The following ADGRA2 variants were observed in gnomAD, a reference collection of about 807,000 sequenced individuals.
ADGRA2 encodes the protein G-protein coupled receptor 124.
In ADGRA2, 61 loss-of-function variants were observed where a neutral mutation model predicts 98.7. The ratio of observed to expected loss-of-function variants is 0.62; its 90% CI spans 0.50 to 0.76. The LOEUF is 0.76. Among genes scored for constraint, ADGRA2 ranks in the 30% least tolerant of loss-of-function variants. The pLI, the probability that ADGRA2 is intolerant of heterozygous loss-of-function variation, is 0.00. For synonymous variants in ADGRA2, 858 were observed against 831.5 expected (o/e 1.03, Z -0.55); for missense variants, 1,712 against 1,860.0 (o/e 0.92, Z 1.46).
chr8:37,801,968 A>C (rs1237553187), intron 1 of ADGRA2, among the ~76,000 whole-genome samples: 1 of 152,172 alleles, frequency 6.6e-6, no homozygotes, highest in African/African-American at 2.4e-5. Flanking sequence ...AGAACAGGCA[A>C]ACCCTCAACC....
In ADGRA2 at chr8:37,827,860, G is replaced by A. The variant is rs1239430857; in HGVS notation, c.339-1028G>A. On this transcript the variant is annotated intron_variant, in intron 2 of 18. Coordinates refer to ENST00000412232, the MANE Select transcript of ADGRA2 (RefSeq NM_032777.10). Reference sequence around the variant, plus strand: ...ATAAAAATACCCTCCTTGGCCAAGCGCGGTGGCTCACACCTGTAACCCCAG... The same window carrying A: ...ATAAAAATACCCTCCTTGGCCAAGCACGGTGGCTCACACCTGTAACCCCAG... Among the ~76,000 whole-genome samples, 8 of 152,346 alleles carry A rather than the reference G, an allele frequency of 5.3e-5. No individual in the cohort carries two copies. In the East Asian group the frequency reaches 5.8e-4, roughly 11 times the overall value.
At chr8:37,835,424 G>A in intron 12 of ADGRA2, 26 bp downstream of exon 12, 1 of 1,587,988 alleles carries the variant, frequency 6.3e-7, no homozygotes, top group Non-Finnish European at 8.6e-7. Flanking sequence ...GGGAGAGGGG[G>A]TGGGAGAAGG....
intron 2 of ADGRA2, among the ~76,000 whole-genome samples, chr8:37,816,778 T>C (rs1165599313): frequency 6.6e-6 from 1 of 152,060 alleles, no homozygotes; most frequent in Non-Finnish European, 1.5e-5. Flanking sequence ...TAGCTGGGCA[T>C]GGTGGCATGC....
At position 37,802,642 on chromosome 8, in the gene ADGRA2, T is replaced by C. The variant is rs545999990; in HGVS notation, c.266+5108T>C. Among the ~76,000 whole-genome samples, 2 of 152,286 alleles carry C rather than the reference T, an allele frequency of 1.3e-5. No individual in the cohort carries two copies. The highest frequency in any genetic ancestry group is 2.4e-5 in the African/African-American group (1 of 41,560). Reference sequence around the variant, plus strand: ...GCCCAGCAGAAACCTCAGTCTCTCCTGGACTCTTCCCCACCACCCACTGGA... The same window carrying C: ...GCCCAGCAGAAACCTCAGTCTCTCCCGGACTCTTCCCCACCACCCACTGGA... On this transcript the variant is annotated intron_variant, in intron 1 of 18. Coordinates refer to ENST00000412232, the MANE Select transcript of ADGRA2 (RefSeq NM_032777.10). The surrounding 1 kb of genome is among the most constrained non-coding windows in gnomAD (Gnocchi z 4.7).
At chr8:37,837,669 G>A (rs1044228818) in intron 13 of ADGRA2, 62 bp from the exon 14 acceptor site, 20 of 1,399,096 alleles carry the variant, frequency 1.4e-5, no homozygotes, top group Admixed American at 2.0e-5. Flanking sequence ...GCTGAGTCCC[G>A]GCTGAGCCCA....
Position 37,833,825 on chromosome 8 carries a change from C to G in ADGRA2, c.1434C>G (p.Asp478Glu). 1 of 1,614,168 alleles carries G rather than the reference C, an allele frequency of 6.2e-7. No homozygotes were observed. Among genetic ancestry groups the G allele is most frequent in the Non-Finnish European group, 8.5e-7 (1 of 1,180,006 alleles). ...TCCAGAAATTTTTGGGTTATGTCGA[C>G]CAGATCAAAGAGGTGAGACTCAGCT... ...QMIQKFLGYV[D>E]QIKELVEVMV... The change falls in exon 10 of 19, where the codon GAC (aspartate) becomes GAG (glutamate). Residue 478 changes from aspartate (D) to glutamate (E), a missense_variant. Physicochemically the swap from Asp to Glu is conservative, Grantham distance 45 (BLOSUM62 2). Coordinates refer to ENST00000412232, the MANE Select transcript of ADGRA2 (RefSeq NM_032777.10).
At position 37,831,607 on chromosome 8, in the gene ADGRA2, G is replaced by C. The variant is rs775553722; in HGVS notation, c.1097+20G>C. The C allele has an allele frequency of 8.1e-5, 130 of 1,610,670 alleles. No homozygotes were observed. Among genetic ancestry groups the C allele is most frequent in the Non-Finnish European group, 1.1e-4 (125 of 1,177,964 alleles). On this transcript the variant is annotated intron_variant, in intron 8 of 18. Coordinates refer to ENST00000412232, the MANE Select transcript of ADGRA2 (RefSeq NM_032777.10). ...CTTCAGGTTTGGCCCACTCCACCCT[G>C]TAGAGGGCTGCCCAGCCCCCAACCC... is the stretch of plus-strand genomic sequence containing the variant.
Position 37,797,661 on chromosome 8 carries a change from G to C in ADGRA2, c.266+127G>C. The C allele has an allele frequency of 1.1e-6, 1 of 943,974 alleles. No homozygotes were observed. The highest frequency in any genetic ancestry group is 1.4e-6 in the Non-Finnish European group (1 of 711,028). 58.5% of individuals were successfully genotyped at this position (943,974 alleles called of 1,614,324 possible). On this transcript the variant is annotated intron_variant, in intron 1 of 18. Coordinates refer to ENST00000412232, the MANE Select transcript of ADGRA2 (RefSeq NM_032777.10). This position sits in a 1 kb window ranked among gnomAD's most constrained non-coding sequence, Gnocchi z 5.3. Reference sequence around the variant, plus strand: ...TTCAGAGATTTCTGGACAGGCCTGGGTTCAGGCCCCCAGAGGGGAAGATTG... The same window carrying C: ...TTCAGAGATTTCTGGACAGGCCTGGCTTCAGGCCCCCAGAGGGGAAGATTG...
In ADGRA2 at chr8:37,844,728, T is replaced by A. The variant is rs774175187; in HGVS notation, c.*2373T>A. The A allele has an allele frequency of 6.2e-7, 1 of 1,613,984 alleles. No homozygotes were observed. The highest frequency in any genetic ancestry group is 1.1e-5 in the South Asian group (1 of 91,076). ...CTTCCCCTGGGGTAAACCTAAGGAA[T>A]TATTTCCCACCTCCCCTTCTCCTTG... On this transcript the variant is annotated 3_prime_UTR_variant, in exon 19 of 19. Transcript: ENST00000412232.
rs1219003612 is a variant in ADGRA2, at chr8:37,835,214, C to T, written c.1649C>T (p.Pro550Leu). Reference sequence around the variant, plus strand: ...GCATTGGAGGCCTACCTCATCAAGCCGCACAGCTACGTGGGCCTGACCTGC... The same window carrying T: ...GCATTGGAGGCCTACCTCATCAAGCTGCACAGCTACGTGGGCCTGACCTGC... ...NVALEAYLIK[P>L]HSYVGLTCTA... Residue 550 changes from proline (P) to leucine (L), a missense_variant, in exon 12 of 19, where the codon CCG becomes CTG. Coordinates refer to ENST00000412232, the MANE Select transcript of ADGRA2 (RefSeq NM_032777.10). The T allele has an allele frequency of 3.1e-6, 5 of 1,613,850 alleles. No homozygotes were observed. The highest frequency in any genetic ancestry group is 2.2e-5 in the South Asian group (2 of 91,068).
chr8:37,836,563 C>T (rs1053077852), intron 13 of ADGRA2, among the ~76,000 whole-genome samples: 2 of 152,114 alleles, frequency 1.3e-5, no homozygotes, highest in Non-Finnish European at 2.9e-5. Context: ...CCGGGACCAG[C>T]GACCCCACAC....
At chr8:37,811,096 A>G (rs1465243388) in intron 1 of ADGRA2, among the ~76,000 whole-genome samples, 28 of 144,102 alleles carry the variant, frequency 1.9e-4, no homozygotes, top group Admixed American at 1.9e-3. Context: ...ACTGGGCAAC[A>G]GAGCAAGACT....
At chr8:37,826,657 A>G (rs1404872831) in intron 2 of ADGRA2, among the ~76,000 whole-genome samples, 2 of 152,116 alleles carry the variant, frequency 1.3e-5, no homozygotes, top group Non-Finnish European at 2.9e-5. Flanking sequence ...TCTGTCCCCA[A>G]GCGGGACTGT....
intron 1 of ADGRA2, among the ~76,000 whole-genome samples, chr8:37,801,475 C>A (rs779965355): frequency 1.3e-5 from 2 of 152,128 alleles, no homozygotes; most frequent in Admixed American, 1.3e-4. Context: ...CAGTATTACT[C>A]GGCAGCAGCT....
At position 37,841,350 on chromosome 8, in the gene ADGRA2, G is replaced by C; in HGVS notation, c.3012G>C (p.Gly1004=). The change falls in exon 19 of 19, where the codon GGG becomes GGC. Residue 1004 remains glycine (G), a synonymous_variant. Transcript: ENST00000412232. The surrounding 1 kb of genome is among the most constrained non-coding windows in gnomAD (Gnocchi z 5.0). ...GGAGCGCGCGAGTGGGGACGCCCGG[G>C]CCCCCGGAGGATGGTGACAGCCTCT... ...ATGSARVGTP[G]PPEDGDSLYS... 1 of 1,605,904 alleles carries C rather than the reference G, an allele frequency of 6.2e-7. No homozygotes were observed. Among genetic ancestry groups the C allele is most frequent in the South Asian group, 1.1e-5 (1 of 90,282 alleles).
intron 2 of ADGRA2, among the ~76,000 whole-genome samples, chr8:37,821,841 G>A (rs996965499): frequency 2.6e-5 from 4 of 152,336 alleles, no homozygotes; most frequent in African/African-American, 4.8e-5. Flanking sequence ...TCATGGGAAC[G>A]AACGAAAGTG....
chr8:37,833,479 C>T (rs1368004894), intron 9 of ADGRA2, among the ~76,000 whole-genome samples: 3 of 152,236 alleles, frequency 2.0e-5, no homozygotes, highest in Admixed American at 6.5e-5. Flanking sequence ...CAGAGTCCCA[C>T]TGTCCTTACA....
Position 37,840,856 on chromosome 8 carries a change from A to ACG in ADGRA2, c.2747+8_2747+9insGC. 1.3e-6 allele frequency: 2 copies of ACG among 1,483,262 alleles called. No homozygotes were observed. Among genetic ancestry groups the ACG allele is most frequent in the Non-Finnish European group, 9.4e-7 (1 of 1,067,478 alleles). The allele number at this position is 1,483,262 out of a possible 1,614,324, so 91.9% of individuals were successfully genotyped here. On this transcript the variant is annotated splice_region_variant and intron_variant, in intron 18 of 18. Coordinates refer to ENST00000412232, the MANE Select transcript of ADGRA2 (RefSeq NM_032777.10). ...ACCGGGACCACAGCCCCTAGTGAGC[A>ACG]CCCCTCCCTCCCGCCCCAAGCCTAC...
chr8:37,815,808 C>G (rs532975387), intron 2 of ADGRA2, among the ~76,000 whole-genome samples: 1 of 152,286 alleles, frequency 6.6e-6, no homozygotes, highest in East Asian at 1.9e-4. Context: ...CCTGCTCCGT[C>G]GGTACAATCC....
Sources: gnomAD v4.1 joint callset for allele counts (sites outside exome capture counted in the v4.1 genomes callset) on GRCh38, gnomAD v4.1.1 for gene constraint, Gnocchi (gnomAD v3.1) non-coding constraint, MANE v1.5 for transcripts, NCBI Gene and HGNC (gene_info 2026-07-23, HGNC 2026-07-21) for gene names.